Variants in GRM3 observed in about 807,000 individuals in gnomAD.
The protein encoded by GRM3 is metabotropic glutamate receptor 3.
GRM3 carries 26 observed loss-of-function variants against 70.5 expected under a neutral mutation model. The ratio of observed to expected loss-of-function variants is 0.37; its 90% CI spans 0.27 to 0.51. GRM3 has a LOEUF of 0.51. GRM3 is among the 20% of genes least tolerant of loss of function. The pLI is 0.93. For missense variants in GRM3, 859 were observed against 1,123.8 expected, an observed-to-expected ratio of 0.76 and a Z score of 3.37; for synonymous variants, 443 against 434.9, an observed-to-expected ratio of 1.02 and a Z score of -0.23.
At position 86,718,175 on chromosome 7, in the gene GRM3, A is replaced by G. The variant is rs531036801; in HGVS notation, c.-140-46831A>G. Reference sequence around the variant, plus strand: ...AGATCTGTTACCATTTACATACTTCAGCTTGGCTGACCTTAAGATATTATT... The same window carrying G: ...AGATCTGTTACCATTTACATACTTCGGCTTGGCTGACCTTAAGATATTATT... On this transcript the variant is annotated intron_variant, in intron 1 of 5. Coordinates refer to ENST00000361669, the MANE Select transcript of GRM3 (RefSeq NM_000840.3). 6.6e-5 allele frequency among the ~76,000 whole-genome samples: 10 copies of G among 152,116 alleles called. No individual in the cohort carries two copies. The East Asian group carries it at 1.9e-3, about 30-fold the overall frequency.
At chr7:86,762,892 A>T (rs977857233) in intron 1 of GRM3, among the ~76,000 whole-genome samples, 2 of 152,134 alleles carry the variant, frequency 1.3e-5, no homozygotes, top group Non-Finnish European at 2.9e-5. Flanking sequence ...GCAGCTTAAG[A>T]TCTGAAGGCA....
intron 1 of GRM3, among the ~76,000 whole-genome samples, chr7:86,667,864 C>G (rs912767189): frequency 2.0e-5 from 3 of 152,094 alleles, no homozygotes; most frequent in Admixed American, 6.6e-5. Context: ...ATACAATTAC[C>G]TACCAAACCT....
chr7:86,755,349 C>T (rs1233977061), intron 1 of GRM3, among the ~76,000 whole-genome samples: 2 of 152,090 alleles, frequency 1.3e-5, no homozygotes, highest in African/African-American at 4.8e-5. Context: ...ATTCAAAAGG[C>T]TTAACAACTA....
chr7:86,685,692 A>T (rs1199595943), intron 1 of GRM3, among the ~76,000 whole-genome samples: 1 of 152,066 alleles, frequency 6.6e-6, no homozygotes, highest in Non-Finnish European at 1.5e-5. Flanking sequence ...GGATCACAAG[A>T]TCAGGAGAAA....
intron 1 of GRM3, among the ~76,000 whole-genome samples, chr7:86,688,534 T>C (rs1159338684): frequency 6.6e-6 from 1 of 151,466 alleles, no homozygotes; most frequent in Non-Finnish European, 1.5e-5. Flanking sequence ...TATACAAATC[T>C]ACAATCATAG....
Position 86,786,640 on chromosome 7 carries a change from A to G in GRM3, c.848A>G (p.Glu283Gly). Residue 283 changes from glutamate to glycine, a missense_variant, in exon 3 of 6, where the codon GAG (glutamate) becomes GGG (glycine). Transcript: ENST00000361669. The surrounding 1 kb of genome is among the most constrained non-coding windows in gnomAD (Gnocchi z 6.0). ...VLFMRSDDSR[E>G]LIAAASRANA... Reference sequence around the variant, plus strand: ...TTCATGCGCAGCGACGACTCGCGGGAGCTCATTGCAGCCGCCAGCCGCGCC... The same window carrying G: ...TTCATGCGCAGCGACGACTCGCGGGGGCTCATTGCAGCCGCCAGCCGCGCC... 6.2e-7 allele frequency: 1 copy of G among 1,612,022 alleles called. No homozygotes were observed. The highest frequency in any genetic ancestry group is 8.5e-7 in the Non-Finnish European group (1 of 1,179,824).
At chr7:86,852,800 C>T (rs189449240) in intron 5 of GRM3, among the ~76,000 whole-genome samples, 1 of 152,132 alleles carries the variant, frequency 6.6e-6, no homozygotes, top group Admixed American at 6.6e-5. Flanking sequence ...GTTTTATATT[C>T]ATGAACTCAT....
intron 2 of GRM3, among the ~76,000 whole-genome samples, chr7:86,774,334 T>C (rs924738857): frequency 6.6e-6 from 1 of 152,112 alleles, no homozygotes; most frequent in South Asian, 2.1e-4. Context: ...TAGCAGACTT[T>C]GGGAATTTAA....
At chr7:86,787,577 A>G (rs1031332502) in intron 3 of GRM3, among the ~76,000 whole-genome samples, 2 of 152,074 alleles carry the variant, frequency 1.3e-5, no homozygotes, top group Admixed American at 6.6e-5. Flanking sequence ...AGAGAGAGAG[A>G]AGTCACTGTT....
Position 86,690,918 on chromosome 7 carries a change from T to G in GRM3, c.-141+46046T>G, listed in dbSNP as rs189802518. Among the ~76,000 whole-genome samples, 168 of 152,282 alleles carry G rather than the reference T, an allele frequency of 1.1e-3. 1 individual carries two copies. Among genetic ancestry groups the G allele is most frequent in the African/African-American group, 3.8e-3 (156 of 41,572 alleles). On this transcript the variant is annotated intron_variant, in intron 1 of 5. Coordinates refer to ENST00000361669, the MANE Select transcript of GRM3 (RefSeq NM_000840.3). ...TATAGATATTTGTTATGTTTAAGAT[T>G]TGCCTGGTTGTTGCAAAAATAAACA...
intron 1 of GRM3, among the ~76,000 whole-genome samples, chr7:86,704,116 A>G (rs760812198): frequency 6.6e-6 from 1 of 151,900 alleles, no homozygotes; most frequent in African/African-American, 2.4e-5. Flanking sequence ...AATATTTCAC[A>G]TGGCAGCCTC....
At position 86,839,979 on chromosome 7, in the gene GRM3, C is replaced by G; in HGVS notation, c.2391+74C>G. The stretch of plus-strand genomic sequence containing the variant: ...TTTCTTGTGTAGTATTTAAAATAGA[C>G]TCCTTTTATTTCATCTCAACGAGTT... On this transcript the variant is annotated intron_variant, in intron 4 of 5. Transcript: ENST00000361669. The surrounding 1 kb of genome is among the most constrained non-coding windows in gnomAD (Gnocchi z 4.5). The G allele has an allele frequency of 1.2e-6, 1 of 830,476 alleles. No homozygotes were observed. The highest frequency in any genetic ancestry group is 2.0e-6 in the Non-Finnish European group (1 of 505,228). 51.4% of individuals were successfully genotyped at this position (830,476 alleles called of 1,614,324 possible). A position where few individuals can be genotyped will look rare whatever the true frequency, so the allele number is the denominator to read the frequency against.
chr7:86,729,720 CA>C (rs1168890231), intron 1 of GRM3, among the ~76,000 whole-genome samples: 1 of 152,118 alleles, frequency 6.6e-6, no homozygotes, highest in East Asian at 1.9e-4. Context: ...ACAAATCACA[CA>C]GAAAAAAAGT....
rs150304654 is a variant in GRM3 at position 86,721,276 on chromosome 7, C to T, written c.-140-43730C>T. Among the ~76,000 whole-genome samples the T allele has an allele frequency of 1.5e-3, 233 of 152,082 alleles. 1 individual carries two copies. The highest frequency in any genetic ancestry group is 0.013 in the Admixed American group (204 of 15,256). ...AAAGCTTTTAGCATCCCAGCCCTCA[C>T]GCTGGTTTGTTGATGAGTTTTTAAT... On this transcript the variant is annotated intron_variant, in intron 1 of 5. Transcript: ENST00000361669.
At chr7:86,858,062 TTC>T (rs1347450084) in intron 5 of GRM3, among the ~76,000 whole-genome samples, 1 of 152,056 alleles carries the variant, frequency 6.6e-6, no homozygotes, top group Non-Finnish European at 1.5e-5. Flanking sequence ...GTTTACACCA[TTC>T]TCCTGCCTCA....
In GRM3 at chr7:86,846,031, G is replaced by A. The variant is rs1584277179; in HGVS notation, c.2392-4339G>A. ...CTCTCATCATGATAATATCTCTTAG[G>A]GTCTTGCCTTCTTTTAACATAAGGG... is the stretch of plus-strand genomic sequence containing the variant. On this transcript the variant is annotated intron_variant, in intron 4 of 5. Coordinates refer to ENST00000361669, the MANE Select transcript of GRM3 (RefSeq NM_000840.3). 2.6e-5 allele frequency among the ~76,000 whole-genome samples: 4 copies of A among 151,696 alleles called. No individual in the cohort carries two copies. The South Asian group carries it at 8.3e-4, about 32-fold the overall frequency.
chr7:86,849,677 C>T (rs1798722749), intron 4 of GRM3, among the ~76,000 whole-genome samples: 1 of 152,122 alleles, frequency 6.6e-6, no homozygotes, highest in African/African-American at 2.4e-5. Context: ...AACCCTGGTT[C>T]TGAGGAACTT....
intron 1 of GRM3, among the ~76,000 whole-genome samples, chr7:86,699,383 A>G (rs1227353368): frequency 6.6e-6 from 1 of 152,012 alleles, no homozygotes; most frequent in Non-Finnish European, 1.5e-5. Flanking sequence ...TGTGGTAGTT[A>G]AATAACTTGG....
intron 1 of GRM3, among the ~76,000 whole-genome samples, chr7:86,764,760 C>T (rs1202244408): frequency 6.6e-6 from 1 of 151,982 alleles, no homozygotes; most frequent in East Asian, 1.9e-4. Flanking sequence ...AATAAGTACA[C>T]TTTGTAAGGT....
Sources: gnomAD v4.1 joint callset for allele counts (sites outside exome capture counted in the v4.1 genomes callset) on GRCh38, gnomAD v4.1.1 for gene constraint, Gnocchi (gnomAD v3.1) non-coding constraint, MANE v1.5 for transcripts, NCBI Gene and HGNC (gene_info 2026-07-23, HGNC 2026-07-21) for gene names.